Variants in SEMA6D observed in about 807,000 individuals in gnomAD.
The protein encoded by SEMA6D is semaphorin 6D, also known as semaphorin-6D.
SEMA6D carries 35 observed loss-of-function variants against 106.6 expected under a neutral mutation model. The ratio of observed to expected loss-of-function variants is 0.33; its 90% confidence interval spans 0.25 to 0.44. The LOEUF is 0.44. Ranked by LOEUF, SEMA6D falls within the 20% of genes least tolerant of loss-of-function variation. The pLI is 1.00. For missense variants in SEMA6D, 1,185 were observed against 1,345.9 expected (o/e 0.88, Z 1.87); for synonymous variants, 499 against 487.7 (o/e 1.02, Z -0.31).
chr15:47,603,396 A>C (rs959828050), intron 4 of SEMA6D: 1 of 152,086 alleles, frequency 6.6e-6, no homozygotes, highest in African/African-American at 2.4e-5. Context: ...CCTGCTTTAG[A>C]ACTTACTCCT....
At chr15:47,759,357 A>G (rs535901220) in intron 1 of SEMA6D, among the ~76,000 whole-genome samples, 3 of 152,240 alleles carry the variant, frequency 2.0e-5, no homozygotes, top group East Asian at 1.9e-4. Context: ...GACAAGCTGT[A>G]TTAGATATAT....
chr15:47,359,280 G>C (rs2038708939), intron 1 of SEMA6D: 1 of 151,960 alleles, frequency 6.6e-6, no homozygotes, highest in African/African-American at 2.4e-5. Flanking sequence ...TATTGAATTG[G>C]CTAGTCTTAA....
intron 4 of SEMA6D, among the ~76,000 whole-genome samples, chr15:47,601,084 TAGAGAGAGAGAATGAGAGAGAG>T (rs1342785387): frequency 6.6e-6 from 1 of 150,582 alleles, no homozygotes; most frequent in Non-Finnish European, 1.5e-5. Flanking sequence ...TTAAGAGAAA[TAGAGAGAGAGAATGAGAGAGAG>T]AGAGAGAGAG....
At chr15:47,356,384 AT>A (rs1182396898) in intron 1 of SEMA6D, among the ~76,000 whole-genome samples, 3 of 152,198 alleles carry the variant, frequency 2.0e-5, no homozygotes, top group African/African-American at 7.2e-5. Flanking sequence ...ACTTTAAAAC[AT>A]GAGAAGTGCC....
Position 47,768,817 on chromosome 15 carries a change from T to A in SEMA6D, c.1933+69T>A, listed in dbSNP as rs1038709950. 1.8e-5 allele frequency: 26 copies of A among 1,459,838 alleles called. No homozygotes were observed. In the African/African-American group the frequency reaches 3.4e-4, roughly 19 times the overall value. 90.4% of individuals were successfully genotyped at this position (1,459,838 alleles called of 1,614,324 possible). ...TGATCCTTAATGTCACTGAGGAGTATGTGGTTCTCCAGAGGTGGGCCTCAC... is the reference window on the plus strand; with the variant it reads ...TGATCCTTAATGTCACTGAGGAGTAAGTGGTTCTCCAGAGGTGGGCCTCAC... On this transcript the variant is annotated intron_variant, in intron 18 of 18. Transcript: ENST00000536845.
intron 4 of SEMA6D, among the ~76,000 whole-genome samples, chr15:47,615,059 G>A (rs1264469766): frequency 6.6e-6 from 1 of 152,152 alleles, no homozygotes; most frequent in East Asian, 1.9e-4. Context: ...TGGAACTCAG[G>A]GTGAATCCCA....
chr15:47,362,336 A>G (rs1260507921), intron 1 of SEMA6D, among the ~76,000 whole-genome samples: 1 of 152,182 alleles, frequency 6.6e-6, no homozygotes, highest in African/African-American at 2.4e-5. Context: ...TGCAGTATAA[A>G]TATAGAGCCT....
chr15:47,617,199 A>AT lies in SEMA6D; in HGVS notation c.-55+16303_-55+16304insT, dbSNP rs567513787. Among the ~76,000 whole-genome samples, 312 of 152,252 alleles carry AT rather than the reference A, an allele frequency of 2.0e-3. 1 individual carries two copies. The highest frequency in any genetic ancestry group is 3.7e-3 in the Non-Finnish European group (249 of 68,014). On this transcript the variant is annotated intron_variant, in intron 4 of 19. Coordinates refer to the SEMA6D transcript ENST00000558014. ...TGTTTCTCCAGTCTCTTCCAAGGTTACCTACCTTCTCTGGCAGAGGATAAG... is the reference window on the plus strand; with the variant it reads ...TGTTTCTCCAGTCTCTTCCAAGGTTATCCTACCTTCTCTGGCAGAGGATAAG...
At chr15:47,289,515 G>C (rs2035514787) in intron 1 of SEMA6D, among the ~76,000 whole-genome samples, 1 of 151,802 alleles carries the variant, frequency 6.6e-6, no homozygotes, top group South Asian at 2.1e-4. Context: ...GCAACAAAGA[G>C]CCCAGGGGAT....
At chr15:47,405,593 A>AC (rs2040537892) in intron 1 of SEMA6D, among the ~76,000 whole-genome samples, 3 of 152,166 alleles carry the variant, frequency 2.0e-5, no homozygotes, top group Admixed American at 1.3e-4. Flanking sequence ...CATAGCAACA[A>AC]AATTAGTCCT....
intron 4 of SEMA6D, among the ~76,000 whole-genome samples, chr15:47,688,658 G>A (rs935974850): frequency 1.1e-4 from 16 of 152,098 alleles, no homozygotes; most frequent in African/African-American, 1.4e-4. Context: ...CATTGATGAG[G>A]CAACATAATT....
chr15:47,359,038 T>C (rs1021122104), intron 1 of SEMA6D, among the ~76,000 whole-genome samples: 6 of 152,024 alleles, frequency 3.9e-5, no homozygotes, highest in African/African-American at 1.4e-4. Flanking sequence ...TTTTATGAAG[T>C]TGATCATGTC....
rs1261912679 is a variant in SEMA6D, at chr15:47,767,257, TTCACCC to T, written c.1765+166_1765+171del. ...CCAAAAGACTTTTCTTACTGAGCAC[TTCACCC>T]TTGTTTATAGCATGTTAACACTTCA... On this transcript the variant is annotated intron_variant, in intron 17 of 18. Coordinates refer to ENST00000536845, the MANE Select transcript of SEMA6D (RefSeq NM_001358351.3). 33 of 520,134 alleles carry T rather than the reference TTCACCC, an allele frequency of 6.3e-5. No homozygotes were observed. In the African/African-American group the frequency reaches 6.4e-4, roughly 10 times the overall value. The allele number at this position is 520,134 out of a possible 1,614,324, so 32.2% of individuals were successfully genotyped here. A position where few individuals can be genotyped will look rare whatever the true frequency, so the allele number is the denominator to read the frequency against.
At chr15:47,391,250 G>A (rs894568140) in intron 1 of SEMA6D, among the ~76,000 whole-genome samples, 2 of 152,124 alleles carry the variant, frequency 1.3e-5, no homozygotes, top group African/African-American at 4.8e-5. Flanking sequence ...CATACACACT[G>A]GATACTGGCA....
At chr15:47,565,820 C>T (rs536124523) in intron 3 of SEMA6D, among the ~76,000 whole-genome samples, 11 of 152,206 alleles carry the variant, frequency 7.2e-5, no homozygotes, top group African/African-American at 2.7e-4. Flanking sequence ...AGCGGGAAGT[C>T]AGCAAAATTT....
At position 47,697,972 on chromosome 15, in the gene SEMA6D, G is replaced by A. The variant is rs576832309; in HGVS notation, c.-54-61773G>A. 3.9e-5 allele frequency among the ~76,000 whole-genome samples: 6 copies of A among 152,286 alleles called. No individual in the cohort carries two copies. In the South Asian group the frequency reaches 8.3e-4, roughly 21 times the overall value. ...AAAAGATTGCCAACTGCTCTGGGTC[G>A]CAGTTTTCCCATTAGTAAAATAGAA... is the stretch of plus-strand genomic sequence containing the variant. On this transcript the variant is annotated intron_variant, in intron 4 of 19. Transcript: ENST00000558014.
chr15:47,481,658 G>T (rs1013632306), intron 3 of SEMA6D, among the ~76,000 whole-genome samples: 2 of 152,258 alleles, frequency 1.3e-5, no homozygotes, highest in African/African-American at 4.8e-5. Flanking sequence ...CTATTACTGA[G>T]TATAACTGCA....
intron 4 of SEMA6D, among the ~76,000 whole-genome samples, chr15:47,620,189 C>T (rs73390983): frequency 0.032 from 4,812 of 152,250 alleles, 258 homozygotes; most frequent in African/African-American, 0.11. Context: ...TCCTAAAGGG[C>T]AGTCTCACAA....
intron 1 of SEMA6D, among the ~76,000 whole-genome samples, chr15:47,279,645 A>G (rs1181267173): frequency 3.3e-5 from 5 of 152,010 alleles, no homozygotes; most frequent in Non-Finnish European, 1.5e-5. Flanking sequence ...TCCATTCACT[A>G]TGATATTGGC....
Sources: allele counts gnomAD v4.1 joint callset (sites outside exome capture counted in the v4.1 genomes callset), GRCh38; gene constraint gnomAD v4.1.1; transcripts MANE v1.5; gene names NCBI Gene and HGNC (gene_info 2026-07-23, HGNC 2026-07-21).